YJU2: variants seen among roughly 807,000 people sequenced by gnomAD.
The protein encoded by YJU2 is YJU2 splicing factor homolog, also known as splicing factor YJU2.
YJU2 carries 28 observed loss-of-function variants against 39.6 expected under a neutral mutation model. That is an observed-to-expected ratio of 0.71 (90% CI 0.52 to 0.97). The LOEUF (loss-of-function observed/expected upper bound fraction) is 0.97, where lower values mean the gene tolerates loss of function less well. Among genes scored for constraint, YJU2 ranks in the 50% least tolerant of loss-of-function variants. The pLI, the probability that YJU2 is intolerant of heterozygous loss-of-function variation, is 0.00. For synonymous variants in YJU2, 184 were observed against 182.4 expected (o/e 1.01, Z -0.07); for missense variants, 328 against 430.4 (o/e 0.76, Z 2.11).
intron 6 of YJU2, among the ~76,000 whole-genome samples, chr19:4,263,801 C>A (rs1208262003): frequency 1.6e-5 from 2 of 123,480 alleles, no homozygotes; most frequent in Non-Finnish European, 3.2e-5. Context: ...CAGAGTGAGA[C>A]TCTATCTCAA....
intron 6 of YJU2, among the ~76,000 whole-genome samples, chr19:4,263,457 G>A (rs541361563): frequency 1.7e-4 from 26 of 152,300 alleles, no homozygotes; most frequent in African/African-American, 6.0e-4. Context: ...ATCTGGTGGC[G>A]AAGGAAACTG....
chr19:4,261,176 C>T (rs1425866418), intron 5 of YJU2, among the ~76,000 whole-genome samples: 1 of 152,148 alleles, frequency 6.6e-6, no homozygotes, highest in East Asian at 1.9e-4. Context: ...TTACAGACAT[C>T]AGCCACCATG....
Position 4,247,588 on chromosome 19 carries a change from T to TGGC in YJU2, c.24+419_24+420insGCG, listed in dbSNP as rs1568359511. Among the ~76,000 whole-genome samples the TGGC allele has an allele frequency of 5.5e-3, 149 of 27,324 alleles. 18 individuals carry two copies. The highest frequency in any genetic ancestry group is 0.013 in the Middle Eastern group (1 of 76). The allele number at this position is 27,324 out of a possible 152,430, so 17.9% of individuals were successfully genotyped here. On this transcript the variant is annotated intron_variant, in intron 1 of 7. Coordinates refer to ENST00000262962, the MANE Select transcript of YJU2 (RefSeq NM_018074.6). ...GGGGTGGGGTGGGGTGGCGCGTGTG[T>TGGC]GTGTGTGTGTGTGTGTGTGTGTGTG...
chr19:4,264,985 G>A (rs1300753937), intron 6 of YJU2, among the ~76,000 whole-genome samples: 1 of 151,870 alleles, frequency 6.6e-6, no homozygotes, highest in Non-Finnish European at 1.5e-5. Flanking sequence ...TCACACTGTG[G>A]TTCTCACATA....
At chr19:4,250,544 A>G (rs1413989413) in intron 2 of YJU2, among the ~76,000 whole-genome samples, 1 of 152,030 alleles carries the variant, frequency 6.6e-6, no homozygotes, top group African/African-American at 2.4e-5. Flanking sequence ...AGGTCTGAGG[A>G]TGAAGGGTGT....
chr19:4,263,473 T>C (rs1452822629), intron 6 of YJU2, among the ~76,000 whole-genome samples: 1 of 152,136 alleles, frequency 6.6e-6, no homozygotes, highest in Non-Finnish European at 1.5e-5. Context: ...AACTGTGAGA[T>C]GCATCCTCCA....
chr19:4,266,799 A>G (rs1971119003), intron 6 of YJU2, among the ~76,000 whole-genome samples: 1 of 152,208 alleles, frequency 6.6e-6, no homozygotes, highest in East Asian at 1.9e-4. Flanking sequence ...TGGGCAACAT[A>G]GCGAGATCCC....
intron 5 of YJU2, 31 bp from the exon 6 acceptor site, chr19:4,261,963 C>T (rs762106220): frequency 1.9e-6 from 3 of 1,607,998 alleles, no homozygotes; most frequent in South Asian, 1.1e-5. Context: ...CCAAACAGAG[C>T]ACGTCCAAGT....
chr19:4,248,804 A>G (rs1970951964), intron 1 of YJU2, among the ~76,000 whole-genome samples: 1 of 152,104 alleles, frequency 6.6e-6, no homozygotes, highest in African/African-American at 2.4e-5. Context: ...CTGTAATCCC[A>G]GCTACTGTAG....
intron 6 of YJU2, 102 bp downstream of exon 6, chr19:4,262,216 T>C (rs1255569964): frequency 2.3e-6 from 3 of 1,289,436 alleles, no homozygotes; most frequent in Non-Finnish European, 3.2e-6. Flanking sequence ...TTTTGTTTTT[T>C]GAGACGGAGT....
chr19:4,248,222 G>C (rs1215478162), intron 1 of YJU2: 2 of 152,170 alleles, frequency 1.3e-5, no homozygotes, highest in Admixed American at 6.6e-5. Context: ...GAACTCCTGG[G>C]AAACAGGAGC....
At chr19:4,260,189 T>A (rs1280469717) in intron 5 of YJU2, among the ~76,000 whole-genome samples, 1 of 152,138 alleles carries the variant, frequency 6.6e-6, no homozygotes, top group Non-Finnish European at 1.5e-5. Flanking sequence ...TGTGGGAGGC[T>A]GAGGCGGGCG....
chr19:4,259,767 T>A (rs1426971110), intron 5 of YJU2, among the ~76,000 whole-genome samples: 1 of 152,020 alleles, frequency 6.6e-6, no homozygotes, highest in African/African-American at 2.4e-5. Flanking sequence ...TCCTTTAGAA[T>A]CTGAGCTGTA....
rs554888888 is a variant in YJU2, at chr19:4,267,617, C to T, written c.709-7C>T. The T allele has an allele frequency of 1.2e-6, 2 of 1,611,366 alleles. No homozygotes were observed. Among genetic ancestry groups the T allele is most frequent in the East Asian group, 2.2e-5 (1 of 44,828 alleles). The stretch of plus-strand genomic sequence containing the variant: ...CAGACCCCCACATGTGTCCCCATCA[C>T]CTGCAGGCCCCAAAGCCCAAGAGGA... On this transcript the variant is annotated splice_region_variant and splice_polypyrimidine_tract_variant and intron_variant, in intron 6 of 7. Transcript: ENST00000262962.
intron 5 of YJU2, among the ~76,000 whole-genome samples, chr19:4,261,778 G>A (rs937166171): frequency 1.6e-4 from 24 of 152,018 alleles, no homozygotes; most frequent in African/African-American, 5.1e-4. Flanking sequence ...GCAGTGAGCT[G>A]TGATTGTGCC....
chr19:4,260,924 C>T (rs919399309), intron 5 of YJU2, among the ~76,000 whole-genome samples: 1 of 152,130 alleles, frequency 6.6e-6, no homozygotes, highest in African/African-American at 2.4e-5. Flanking sequence ...AGCCAGGATG[C>T]GTGAGCTTGA....
intron 4 of YJU2, among the ~76,000 whole-genome samples, chr19:4,255,722 T>C (rs553129967): frequency 1.9e-5 from 2 of 106,366 alleles, no homozygotes; most frequent in East Asian, 5.4e-4. Context: ...AGCAAGATTC[T>C]GTGTCAAAAA....
Position 4,267,760 on chromosome 19 carries a change from C to T in YJU2, c.845C>T (p.Ala282Val), listed in dbSNP as rs771810170. ...GACTGCAGCAACGGGCAGCCTCAGG[C>T]GGCCCCCACCCCAGGTAAGGTCACA... The part of the protein sequence containing the change: ...DPDCSNGQPQ[A>V]APTPGAPQNR... The change falls in exon 7 of 8, where the codon GCG (alanine) becomes GTG (valine). Residue 282 changes from alanine to valine, a missense_variant. Around this residue, in one of 2 missense-constraint regions of YJU2, gnomAD observed 244 missense variants for 264.6 expected, o/e 0.92. Coordinates refer to ENST00000262962, the MANE Select transcript of YJU2 (RefSeq NM_018074.6). 1.9e-5 allele frequency: 30 copies of T among 1,611,918 alleles called. No individual in the cohort carries two copies. Among genetic ancestry groups the T allele is most frequent in the South Asian group, 1.3e-4 (12 of 90,976 alleles).
rs368087162 is a variant in YJU2 at position 4,249,239 on chromosome 19, G to A, written c.36G>A (p.Pro12=). The change falls in exon 2 of 8, where the codon CCG becomes CCA. Residue 12 remains proline, a synonymous_variant. Coordinates refer to ENST00000262962, the MANE Select transcript of YJU2 (RefSeq NM_018074.6). ...SERKVLNKYY[P]PDFDPSKIPK... ...TTCCTCCCCTGCAGAAATACTACCCGCCGGACTTTGACCCATCAAAGATCC... is the reference window on the plus strand; with the variant it reads ...TTCCTCCCCTGCAGAAATACTACCCACCGGACTTTGACCCATCAAAGATCC... 2.4e-5 allele frequency: 38 copies of A among 1,611,144 alleles called. No homozygotes were observed. The East Asian group carries it at 7.1e-4, about 30-fold the overall frequency.
Sources: gnomAD v4.1 joint callset for allele counts (sites outside exome capture counted in the v4.1 genomes callset) on GRCh38, gnomAD v4.1.1 for gene constraint, gnomAD v4.1.1 regional missense constraint, MANE v1.5 for transcripts, NCBI Gene and HGNC (gene_info 2026-07-23, HGNC 2026-07-21) for gene names.